Variants in C1orf159 observed in about 807,000 individuals in gnomAD.
C1orf159 encodes the protein chromosome 1 open reading frame 159.
In C1orf159, 19 loss-of-function variants were observed where a neutral mutation model predicts 25.6. The ratio of observed to expected loss-of-function variants is 0.74; its 90% CI spans 0.52 to 1.09. The LOEUF (loss-of-function observed/expected upper bound fraction) is 1.09, where lower values mean the gene tolerates loss of function less well. Among genes scored for constraint, C1orf159 ranks in the 50% least tolerant of loss-of-function variants. The pLI, the probability that C1orf159 is intolerant of heterozygous loss-of-function variation, is 0.00. For synonymous variants in C1orf159, 139 were observed against 124.7 expected (o/e 1.12, Z -0.77); for missense variants, 274 against 290.6 (o/e 0.94, Z 0.42).
At chr1:1,085,310 C>A in intron 7 of C1orf159, 1 of 417,546 alleles carries the variant, frequency 2.4e-6, no homozygotes, top group Non-Finnish European at 4.9e-6. Flanking sequence ...GGGGGCCGGC[C>A]CTGGACAACG....
chr1:1,083,105 T>G, intron 9 of C1orf159, 118 bp from the exon 10 acceptor site: 1 of 801,002 alleles, frequency 1.2e-6, no homozygotes, highest in Non-Finnish European at 1.9e-6. Context: ...CGCCCGGGGC[T>G]GTTTACTCTG....
Position 1,110,103 on chromosome 1 carries a change from G to A in C1orf159, c.-136+5957C>T, listed in dbSNP as rs543339613. ...GTGTGACTTAACCCCGGCCTGGCAC[G>A]GCCTTAGGTCCTGATTATAACTCGG... On this transcript the variant is annotated intron_variant, in intron 1 of 9. Transcript: ENST00000421241. The surrounding 1 kb of genome is among the most constrained non-coding windows in gnomAD (Gnocchi z 4.8). Among the ~76,000 whole-genome samples the A allele has an allele frequency of 2.0e-5, 3 of 152,220 alleles. No homozygotes were observed. The highest frequency in any genetic ancestry group is 6.5e-5 in the Admixed American group (1 of 15,292).
intron 1 of C1orf159, chr1:1,106,751 C>G (rs1646176453): frequency 6.5e-6 from 1 of 153,398 alleles, no homozygotes; most frequent in African/African-American, 2.4e-5. Flanking sequence ...TGGCCGAGGC[C>G]GGAGCCGGCT....
chr1:1,097,103 A>T (rs1646018177), intron 1 of C1orf159, among the ~76,000 whole-genome samples: 1 of 151,224 alleles, frequency 6.6e-6, no homozygotes, highest in Non-Finnish European at 1.5e-5. Context: ...GATATTGGTG[A>T]TTTGTGCTAT....
At chr1:1,104,923 A>G (rs758429468) in intron 1 of C1orf159, among the ~76,000 whole-genome samples, 3 of 152,208 alleles carry the variant, frequency 2.0e-5, no homozygotes, top group Non-Finnish European at 4.4e-5. Context: ...AAACCTGTTC[A>G]CTGTCCAACA....
rs1235327237 is a variant in C1orf159 at position 1,087,569 on chromosome 1, C to T, written c.177G>A (p.Gly59=). The part of the protein sequence containing the change: ...PGCYRRWNAD[G]SASCVRCGNG... Reference sequence around the variant, plus strand: ...TCCCACAGCGGACGCAGCTGGCGCTCCCGTCCGCGTTCCAGCGCCTGTAAC... The same window carrying T: ...TCCCACAGCGGACGCAGCTGGCGCTTCCGTCCGCGTTCCAGCGCCTGTAAC... Residue 59 remains glycine, a synonymous_variant, in exon 5 of 10, where the codon GGG becomes GGA. Transcript: ENST00000421241. This position sits in a 1 kb window ranked among gnomAD's most constrained non-coding sequence, Gnocchi z 8.3. 4.5e-6 allele frequency: 7 copies of T among 1,548,576 alleles called. No homozygotes were observed. The highest frequency in any genetic ancestry group is 6.1e-6 in the Non-Finnish European group (7 of 1,146,584).
chr1:1,091,336 G>A (rs1272604328), intron 3 of C1orf159, 136 bp downstream of exon 3: 2 of 868,952 alleles, frequency 2.3e-6, no homozygotes, highest in Admixed American at 4.3e-5. Flanking sequence ...CCCCAGCAGT[G>A]GACCTGGTCA....
In C1orf159 at chr1:1,092,078, T is replaced by G. The variant is rs1464226297; in HGVS notation, c.-110A>C. ...AGCTCTGGGAGCTCATGGGCTCAGCTGAGCCCTGCAGACCCCGGCCCAGTC... is the reference window on the plus strand; with the variant it reads ...AGCTCTGGGAGCTCATGGGCTCAGCGGAGCCCTGCAGACCCCGGCCCAGTC... On this transcript the variant is annotated 5_prime_UTR_variant, in exon 2 of 10. Transcript: ENST00000421241. 2.2e-6 allele frequency: 1 copy of G among 450,032 alleles called. No homozygotes were observed. Among genetic ancestry groups the G allele is most frequent in the Admixed American group, 2.4e-5 (1 of 41,478 alleles). The allele number at this position is 450,032 out of a possible 1,614,324, so 27.9% of individuals were successfully genotyped here.
At chr1:1,085,649 C>T (rs1343942028) in intron 7 of C1orf159, among the ~76,000 whole-genome samples, 2 of 152,212 alleles carry the variant, frequency 1.3e-5, no homozygotes, top group East Asian at 1.9e-4. Context: ...TTCTGGGCCC[C>T]GAGGAAGGCC....
chr1:1,093,424 GGTGA>G (rs1311317742), intron 1 of C1orf159, among the ~76,000 whole-genome samples: 1 of 152,222 alleles, frequency 6.6e-6, no homozygotes, highest in Non-Finnish European at 1.5e-5. Context: ...TACACAAGCG[GGTGA>G]GTGTGACCAC....
At chr1:1,104,744 C>A (rs1461222231) in intron 1 of C1orf159, among the ~76,000 whole-genome samples, 1 of 151,850 alleles carries the variant, frequency 6.6e-6, no homozygotes, top group East Asian at 1.9e-4. Context: ...GAAGTGCAGA[C>A]GCATTCAAGC....
chr1:1,087,610 G>C lies in C1orf159; in HGVS notation c.149-13C>G. On this transcript the variant is annotated splice_polypyrimidine_tract_variant and intron_variant, in intron 4 of 9. Transcript: ENST00000421241. The surrounding 1 kb of genome is among the most constrained non-coding windows in gnomAD (Gnocchi z 8.3). ...CGCCTGTAACAGCCTGCGTGGGGCA[G>C]AGGACGGGCATGTCAGCCAAAGCAA... is the stretch of plus-strand genomic sequence containing the variant. 6.5e-7 allele frequency: 1 copy of C among 1,537,808 alleles called. No homozygotes were observed. Among genetic ancestry groups the C allele is most frequent in the Non-Finnish European group, 8.8e-7 (1 of 1,142,242 alleles).
At chr1:1,084,458 C>T (rs1645797062) in intron 8 of C1orf159, 23 bp downstream of exon 8, 7 of 1,570,214 alleles carry the variant, frequency 4.5e-6, no homozygotes, top group Non-Finnish European at 5.2e-6. Context: ...GGACGCTCAG[C>T]CCGGATGATG....
chr1:1,098,715 C>G (rs1646045462), intron 1 of C1orf159, among the ~76,000 whole-genome samples: 6 of 152,112 alleles, frequency 3.9e-5, no homozygotes, highest in Admixed American at 3.9e-4. Context: ...GGGTTCACAC[C>G]ATTCTCCTGC....
At chr1:1,090,782 A>G in intron 3 of C1orf159, 1 of 1,079,760 alleles carries the variant, frequency 9.3e-7, no homozygotes, top group Non-Finnish European at 1.4e-6. Context: ...TTGACCCCAC[A>G]GAGGAAGTGC....
At chr1:1,113,809 G>A (rs767703167) in intron 1 of C1orf159, among the ~76,000 whole-genome samples, 5 of 152,114 alleles carry the variant, frequency 3.3e-5, no homozygotes, top group Non-Finnish European at 5.9e-5. Context: ...TACGTCTCCC[G>A]ATTCTTCCCT....
Position 1,082,977 on chromosome 1 carries a change from C to G in C1orf159, c.513G>C (p.Pro171=), listed in dbSNP as rs532391088. 4.6e-5 allele frequency: 73 copies of G among 1,599,032 alleles called. No homozygotes were observed. In the African/African-American group the frequency reaches 8.2e-4, roughly 18 times the overall value. The part of the protein sequence containing the change: ...IPPPQSSVRK[P]RYVRRERPLD... Reference sequence around the variant, plus strand: ...GGGGCCGCTCCCGCCTGACGTAGCGCGGCTTCCGTACTGAAACGGGTCAGA... The same window carrying G: ...GGGGCCGCTCCCGCCTGACGTAGCGGGGCTTCCGTACTGAAACGGGTCAGA... Residue 171 remains proline (P), a synonymous_variant, in exon 10 of 10, where the codon CCG becomes CCC. Coordinates refer to ENST00000421241, the MANE Select transcript of C1orf159 (RefSeq NM_017891.5).
At chr1:1,115,459 C>T (rs925694321) in intron 1 of C1orf159, among the ~76,000 whole-genome samples, 24 of 151,512 alleles carry the variant, frequency 1.6e-4, no homozygotes, top group Non-Finnish European at 3.3e-4. Context: ...CGCCCCCTTT[C>T]TTCCCCCGGG....
chr1:1,097,584 A>ATTTTT lies in C1orf159; in HGVS notation c.-135-5486_-135-5482dup, dbSNP rs71576596. Among the ~76,000 whole-genome samples the ATTTTT allele has an allele frequency of 2.0e-3, 255 of 126,506 alleles. 1 individual carries two copies. Among genetic ancestry groups the ATTTTT allele is most frequent in the African/African-American group, 7.7e-3 (241 of 31,234 alleles). 83.0% of individuals were successfully genotyped at this position (126,506 alleles called of 152,430 possible). On this transcript the variant is annotated intron_variant, in intron 1 of 9. Coordinates refer to ENST00000421241, the MANE Select transcript of C1orf159 (RefSeq NM_017891.5). ...CGAGCCACCACACCCAGCTCATTAA[A>ATTTTT]TTTTTTTTTTTTTTTTTTTGTAGAG...
Sources: allele counts gnomAD v4.1 joint callset (sites outside exome capture counted in the v4.1 genomes callset), GRCh38; gene constraint gnomAD v4.1.1; non-coding constraint Gnocchi (gnomAD v3.1); transcripts MANE v1.5; gene names NCBI Gene and HGNC (gene_info 2026-07-23, HGNC 2026-07-21).